Variants in IDH3B observed in about 807,000 individuals in gnomAD.
The protein encoded by IDH3B is isocitrate dehydrogenase (NAD(+)) 3 non-catalytic subunit beta.
A neutral mutation model predicts 47.5 loss-of-function variants in IDH3B; 40 were observed. The ratio of observed to expected loss-of-function variants is 0.84; its 90% CI spans 0.65 to 1.10. The LOEUF is 1.10. Ranked by LOEUF, IDH3B falls within the 50% of genes least tolerant of loss-of-function variation. The pLI, the probability that IDH3B is intolerant of heterozygous loss-of-function variation, is 0.00. For synonymous variants in IDH3B, 185 were observed against 191.0 expected (o/e 0.97, Z 0.26); for missense variants, 450 against 505.2 (o/e 0.89, Z 1.05).
intron 3 of IDH3B, 28 bp downstream of exon 3, chr20:2,663,632 C>T (rs376130482): frequency 5.8e-5 from 93 of 1,614,110 alleles, no homozygotes; most frequent in Non-Finnish European, 7.6e-5. Context: ...CTACTGTCCT[C>T]TACTGTCTGA....
intron 4 of IDH3B, among the ~76,000 whole-genome samples, chr20:2,662,734 C>G (rs2086969997): frequency 6.6e-6 from 1 of 152,142 alleles, no homozygotes; most frequent in South Asian, 2.1e-4. Context: ...GCGGGCAGAT[C>G]ACAAGGTCAG....
Position 2,658,808 on chromosome 20 carries a change from G to A in IDH3B, c.1101C>T (p.Ser367=). 1 of 1,614,200 alleles carries A rather than the reference G, an allele frequency of 6.2e-7. No individual in the cohort carries two copies. The highest frequency in any genetic ancestry group is 1.1e-5 in the South Asian group (1 of 91,084). The change falls in exon 12 of 12, where the codon AGC becomes AGT. Residue 367 remains serine, a synonymous_variant. Transcript: ENST00000380843. ...CAGACTTGATGAAGTCGGTTGTGGT[G>A]CTGTAGCCGCCCATGTCTCGAGTCC... ...KVRTRDMGGY[S]TTTDFIKSVI... is the part of the protein sequence containing the mutation.
At chr20:2,658,878 G>A (rs375341819) in intron 11 of IDH3B, 41 bp from the exon 12 acceptor site, 39 of 1,613,174 alleles carry the variant, frequency 2.4e-5, no homozygotes, top group Non-Finnish European at 3.2e-5. Context: ...AGGGAGAAAA[G>A]AGAGCCCATG....
In IDH3B at chr20:2,658,397, G is replaced by A; in HGVS notation, c.*354C>T. ...CAATAAAAACAAATTCACAAGAGTT[G>A]GTTCATGTTCTTTATTGAACACCTT... On this transcript the variant is annotated 3_prime_UTR_variant, in exon 12 of 12. Coordinates refer to ENST00000380843, the MANE Select transcript of IDH3B (RefSeq NM_006899.5). 2.5e-6 allele frequency: 4 copies of A among 1,612,610 alleles called. No individual in the cohort carries two copies. The South Asian group carries it at 3.3e-5, about 13-fold the overall frequency.
Position 2,663,958 on chromosome 20 carries a change from G to T in IDH3B, c.84C>A (p.Thr28=). 2 of 1,614,118 alleles carry T rather than the reference G, an allele frequency of 1.2e-6. No homozygotes were observed. The highest frequency in any genetic ancestry group is 1.7e-6 in the Non-Finnish European group (2 of 1,180,028). The stretch of plus-strand genomic sequence containing the variant: ...GCGATGCAGCGTGCGCCGCGGCCGA[G>T]GTACTCAGACCTCTCCATGCCCCAG... ...GNPGAWRGLS[T]SAAAHAASRS... Residue 28 remains threonine, a synonymous_variant, in exon 2 of 12, where the codon ACC becomes ACA. Transcript: ENST00000380843.
Position 2,658,607 on chromosome 20 carries a change from G to A in IDH3B, c.*144C>T. 6.2e-7 allele frequency: 1 copy of A among 1,612,830 alleles called. No individual in the cohort carries two copies. Among genetic ancestry groups the A allele is most frequent in the Non-Finnish European group, 8.5e-7 (1 of 1,179,424 alleles). ...ACCACCCAACAGTCTGTCCCCTAAG[G>A]AAGCCGGCCCAAGGACAACCTAGGC... is the stretch of plus-strand genomic sequence containing the variant. On this transcript the variant is annotated 3_prime_UTR_variant, in exon 12 of 12. Transcript: ENST00000380843.
chr20:2,663,302 T>C (rs1328214625), intron 4 of IDH3B, 144 bp downstream of exon 4: 20 of 1,030,778 alleles, frequency 1.9e-5, no homozygotes, highest in Non-Finnish European at 2.7e-5. Flanking sequence ...GGGCTCCCAA[T>C]GGGAAGGAAC....
In IDH3B at chr20:2,660,398, A is replaced by G; in HGVS notation, c.666-33T>C. ...TGGGCCAAAGGGGACAGAATCAGCC[A>G]AGAAAGTACAGGGGCTACCTTCCCA... On this transcript the variant is annotated intron_variant, in intron 7 of 11. Transcript: ENST00000380843. This position sits in a 1 kb window ranked among gnomAD's most constrained non-coding sequence, Gnocchi z 5.6. 8 of 1,614,128 alleles carry G rather than the reference A, an allele frequency of 5.0e-6. No individual in the cohort carries two copies. The highest frequency in any genetic ancestry group is 6.8e-6 in the Non-Finnish European group (8 of 1,179,998).
rs888039004 is a variant in IDH3B at position 2,660,974 on chromosome 20, G to T, written c.338-5C>A. On this transcript the variant is annotated splice_polypyrimidine_tract_variant and splice_region_variant and intron_variant, in intron 4 of 11. Transcript: ENST00000380843. The surrounding 1 kb of genome is among the most constrained non-coding windows in gnomAD (Gnocchi z 5.6). ...CCATCGGGGTATGAATCTTTCCTGTGAAAACAAAGTGGGAAAAGGAGTGTC... is the reference window on the plus strand; with the variant it reads ...CCATCGGGGTATGAATCTTTCCTGTTAAAACAAAGTGGGAAAAGGAGTGTC... The T allele has an allele frequency of 6.2e-7, 1 of 1,613,712 alleles. No individual in the cohort carries two copies. The highest frequency in any genetic ancestry group is 1.3e-5 in the African/African-American group (1 of 74,868).
rs1261243513 is a variant in IDH3B at position 2,658,654 on chromosome 20, G to C, written c.*97C>G. 1.3e-5 allele frequency: 21 copies of C among 1,613,798 alleles called. No homozygotes were observed. The highest frequency in any genetic ancestry group is 1.7e-5 in the Non-Finnish European group (20 of 1,179,884). ...AGGCTCTACCCAGCAAGGTGACCAT[G>C]GTCCACTGCTTAGAGGCACAAGGTC... is the stretch of plus-strand genomic sequence containing the variant. On this transcript the variant is annotated 3_prime_UTR_variant, in exon 12 of 12. Transcript: ENST00000380843.
At position 2,658,536 on chromosome 20, in the gene IDH3B, T is replaced by A; in HGVS notation, c.*215A>T. 1 of 1,612,452 alleles carries A rather than the reference T, an allele frequency of 6.2e-7. No individual in the cohort carries two copies. The highest frequency in any genetic ancestry group is 8.5e-7 in the Non-Finnish European group (1 of 1,179,234). ...AGAGGTTCGAACCTGTGGGGGAGAA[T>A]CATCATCATCCATGTGGCCTGGGCT... On this transcript the variant is annotated 3_prime_UTR_variant, in exon 12 of 12. Coordinates refer to ENST00000380843, the MANE Select transcript of IDH3B (RefSeq NM_006899.5).
intron 11 of IDH3B, 105 bp downstream of exon 11, chr20:2,659,419 TG>T (rs1568546983): frequency 6.5e-6 from 10 of 1,535,642 alleles, no homozygotes; most frequent in Non-Finnish European, 7.2e-6. Context: ...TCTGGGGACC[TG>T]GGGGGAAAGG....
At chr20:2,659,136 C>CAGGT (rs1190041689) in intron 11 of IDH3B, 3 of 1,229,702 alleles carry the variant, frequency 2.4e-6, no homozygotes, top group Admixed American at 4.5e-5. Flanking sequence ...GAGACAAGAC[C>CAGGT]AGGTGGAAGG....
chr20:2,662,441 CAAG>C (rs1463236588), intron 4 of IDH3B, among the ~76,000 whole-genome samples: 3 of 151,732 alleles, frequency 2.0e-5, no homozygotes, highest in Non-Finnish European at 4.4e-5. Flanking sequence ...CTGTTCTTTC[CAAG>C]AAGAGATATG....
Position 2,664,126 on chromosome 20 carries a change from C to T in IDH3B, c.36+27G>A, listed in dbSNP as rs574357256. 1.7e-5 allele frequency: 27 copies of T among 1,612,176 alleles called. No individual in the cohort carries two copies. In the African/African-American group the frequency reaches 3.3e-4, roughly 20 times the overall value. On this transcript the variant is annotated intron_variant, in intron 1 of 11. Coordinates refer to ENST00000380843, the MANE Select transcript of IDH3B (RefSeq NM_006899.5). ...CAAACTCTCCGCTCCTTCGCCCGCC[C>T]CTGCCCGACATGTCCCGGGGCCTCA...
rs1444549648 is a variant in IDH3B, at chr20:2,658,632, C to G, written c.*119G>C. ...GAAGCCGGCCCAAGGACAACCTAGGCTCTACCCAGCAAGGTGACCATGGTC... is the reference window on the plus strand; with the variant it reads ...GAAGCCGGCCCAAGGACAACCTAGGGTCTACCCAGCAAGGTGACCATGGTC... On this transcript the variant is annotated 3_prime_UTR_variant, in exon 12 of 12. Transcript: ENST00000380843. 6.2e-7 allele frequency: 1 copy of G among 1,613,524 alleles called. No homozygotes were observed. The highest frequency in any genetic ancestry group is 1.3e-5 in the African/African-American group (1 of 74,914).
Position 2,659,173 on chromosome 20 carries a change from G to A in IDH3B, c.1072-336C>T. 5 of 1,192,100 alleles carry A rather than the reference G, an allele frequency of 4.2e-6. No individual in the cohort carries two copies. The South Asian group carries it at 1.0e-4, about 24-fold the overall frequency. The allele number at this position is 1,192,100 out of a possible 1,614,324, so 73.8% of individuals were successfully genotyped here. ...AAGAATCACAGCGAAAAGGAGATGG[G>A]GCGTGAAGGTGAAGCTGATGCTTCA... On this transcript the variant is annotated intron_variant, in intron 11 of 11. Coordinates refer to ENST00000380843, the MANE Select transcript of IDH3B (RefSeq NM_006899.5).
In IDH3B at chr20:2,660,857, G is replaced by A. The variant is rs1414124826; in HGVS notation, c.399-28C>T. Reference sequence around the variant, plus strand: ...GAGGGTGGGCAGGGCCATCAGCTCTGCTCCTGGTGCCCTGGCACCTCTCAA... The same window carrying A: ...GAGGGTGGGCAGGGCCATCAGCTCTACTCCTGGTGCCCTGGCACCTCTCAA... On this transcript the variant is annotated intron_variant, in intron 5 of 11. Transcript: ENST00000380843. This position sits in a 1 kb window ranked among gnomAD's most constrained non-coding sequence, Gnocchi z 5.6. The A allele has an allele frequency of 6.2e-7, 1 of 1,614,172 alleles. No homozygotes were observed. The highest frequency in any genetic ancestry group is 8.5e-7 in the Non-Finnish European group (1 of 1,180,030).
At chr20:2,662,231 G>A (rs1393975694) in intron 4 of IDH3B, among the ~76,000 whole-genome samples, 1 of 152,172 alleles carries the variant, frequency 6.6e-6, no homozygotes, top group African/African-American at 2.4e-5. Flanking sequence ...GAGTGAGAAG[G>A]ACTCTAACAG....
Sources: allele counts gnomAD v4.1 joint callset (sites outside exome capture counted in the v4.1 genomes callset), GRCh38; gene constraint gnomAD v4.1.1; non-coding constraint Gnocchi (gnomAD v3.1); transcripts MANE v1.5; gene names NCBI Gene and HGNC (gene_info 2026-07-23, HGNC 2026-07-21).